CCDC102B: variants seen among roughly 807,000 people sequenced by gnomAD.
CCDC102B encodes the protein coiled-coil domain-containing protein 102B.
A neutral mutation model predicts 57.4 loss-of-function variants in CCDC102B; 75 were observed. The ratio of observed to expected loss-of-function variants is 1.31; its 90% CI spans 1.08 to 1.58. CCDC102B has a LOEUF of 1.58. Among genes scored for constraint, CCDC102B ranks in the 40% most tolerant of loss-of-function variants. CCDC102B has a pLI of 0.00. For synonymous variants in CCDC102B, 206 were observed against 201.9 expected (o/e 1.02, Z -0.17); for missense variants, 636 against 582.6 (o/e 1.09, Z -0.94).
At chr18:68,916,160 T>TAGAC (rs1202895947) in intron 6 of CCDC102B, among the ~76,000 whole-genome samples, 2 of 151,882 alleles carry the variant, frequency 1.3e-5, no homozygotes, top group Non-Finnish European at 1.5e-5. Flanking sequence ...AATAGATAGA[T>TAGAC]AGATAGATAT....
chr18:68,766,144 C>T (rs541727716), intron 2 of CCDC102B, among the ~76,000 whole-genome samples: 3 of 152,212 alleles, frequency 2.0e-5, no homozygotes, highest in Non-Finnish European at 2.9e-5. Flanking sequence ...TATCATAATA[C>T]ATGTATCTAT....
chr18:68,828,322 C>CAAAAAAAAAAAAAAAAAAA (rs58180806), intron 1 of CCDC102B, among the ~76,000 whole-genome samples: 1 of 80,802 alleles, frequency 1.2e-5, no homozygotes, highest in African/African-American at 4.6e-5. Context: ...ACCCTATTTA[C>CAAAAAAAAAAAAAAAAAAA]AAAAAAAAAA....
chr18:68,860,478 A>AAACAGAAC (rs80030644), intron 4 of CCDC102B, among the ~76,000 whole-genome samples: 1 of 97,746 alleles, frequency 1.0e-5, no homozygotes, highest in Non-Finnish European at 2.2e-5. Flanking sequence ...ACAAAAACAA[A>AAACAGAAC]AAAAAAAAAA....
intron 4 of CCDC102B, among the ~76,000 whole-genome samples, chr18:68,857,247 T>G (rs1413407165): frequency 1.2e-5 from 1 of 82,108 alleles, no homozygotes; most frequent in Non-Finnish European, 2.3e-5. Flanking sequence ...TAAATATATA[T>G]TTATTATTTA....
At chr18:68,849,374 T>G (rs181712877) in intron 4 of CCDC102B, among the ~76,000 whole-genome samples, 6 of 152,210 alleles carry the variant, frequency 3.9e-5, no homozygotes, top group Non-Finnish European at 7.4e-5. Context: ...GCTATTCCTG[T>G]GGCTTAAAAA....
At chr18:68,877,003 T>A (rs1015898965) in intron 5 of CCDC102B, among the ~76,000 whole-genome samples, 3 of 152,214 alleles carry the variant, frequency 2.0e-5, no homozygotes, top group African/African-American at 7.2e-5. Context: ...CAGGAAATAT[T>A]AGGTGCCTTG....
intron 2 of CCDC102B, chr18:68,721,569 T>C (rs2032333302): frequency 1.3e-5 from 2 of 152,198 alleles, no homozygotes; most frequent in Admixed American, 1.3e-4. Context: ...CATTTTTTGC[T>C]AAAAATATGA....
At chr18:68,851,858 C>T (rs1454747380) in intron 4 of CCDC102B, among the ~76,000 whole-genome samples, 1 of 152,084 alleles carries the variant, frequency 6.6e-6, no homozygotes. Context: ...ATGTTTTACA[C>T]CGTGGGGAGC....
At chr18:69,053,678 T>A (rs1342745362) in intron 7 of CCDC102B, among the ~76,000 whole-genome samples, 1 of 151,878 alleles carries the variant, frequency 6.6e-6, no homozygotes, top group Non-Finnish European at 1.5e-5. Flanking sequence ...CAACTACTTT[T>A]TTTTTTCATT....
At chr18:69,042,932 G>A (rs2052468054) in intron 7 of CCDC102B, among the ~76,000 whole-genome samples, 1 of 152,084 alleles carries the variant, frequency 6.6e-6, no homozygotes, top group Non-Finnish European at 1.5e-5. Flanking sequence ...AAAAGACACA[G>A]AGACAAAGTA....
At chr18:68,988,013 A>G (rs903908193) in intron 6 of CCDC102B, among the ~76,000 whole-genome samples, 1 of 152,206 alleles carries the variant, frequency 6.6e-6, no homozygotes, top group Non-Finnish European at 1.5e-5. Context: ...TAGAAGCAGA[A>G]CTACCATTCC....
At chr18:68,840,547 C>T (rs960404381) in intron 3 of CCDC102B, among the ~76,000 whole-genome samples, 3 of 152,174 alleles carry the variant, frequency 2.0e-5, no homozygotes, top group East Asian at 3.9e-4. Flanking sequence ...AGGCAACCAA[C>T]ATTAGTAGAA....
chr18:68,716,281 C>T (rs1391598881), intron 1 of CCDC102B, among the ~76,000 whole-genome samples: 1 of 128,560 alleles, frequency 7.8e-6, no homozygotes, highest in African/African-American at 2.8e-5. Flanking sequence ...CTGAATGACC[C>T]ATATTCAATT....
At chr18:68,791,645 AG>A (rs2035464809) in intron 2 of CCDC102B, among the ~76,000 whole-genome samples, 2 of 10,196 alleles carry the variant, frequency 2.0e-4, no homozygotes, top group Admixed American at 3.7e-3. Context: ...TGTGTATGTG[AG>A]AAAGAGAGAT....
At chr18:69,021,531 G>A (rs1001922430) in intron 7 of CCDC102B, among the ~76,000 whole-genome samples, 3 of 152,126 alleles carry the variant, frequency 2.0e-5, no homozygotes, top group African/African-American at 7.2e-5. Context: ...GAATATACAT[G>A]ATTTCTTCCA....
chr18:68,732,573 C>G (rs1364652230), intron 2 of CCDC102B, among the ~76,000 whole-genome samples: 1 of 152,016 alleles, frequency 6.6e-6, no homozygotes, highest in Non-Finnish European at 1.5e-5. Flanking sequence ...TCTTGAACTC[C>G]TGACCTCAGG....
intron 2 of CCDC102B, among the ~76,000 whole-genome samples, chr18:68,785,476 C>T (rs2035170488): frequency 1.3e-5 from 2 of 151,538 alleles, no homozygotes; most frequent in African/African-American, 2.4e-5. Context: ...TCTCCACATC[C>T]TCTCCAGCAC....
chr18:68,880,130 AGCCCT>A (rs1294373434), intron 5 of CCDC102B, among the ~76,000 whole-genome samples: 1 of 152,186 alleles, frequency 6.6e-6, no homozygotes, highest in Non-Finnish European at 1.5e-5. Context: ...GCAGGTCCCG[AGCCCT>A]GCCCCGCCCA....
intron 7 of CCDC102B, among the ~76,000 whole-genome samples, chr18:69,046,064 A>G (rs2145485625): frequency 6.6e-6 from 1 of 152,238 alleles, no homozygotes; most frequent in African/African-American, 2.4e-5. Context: ...GAACATATGC[A>G]TGCTTATGTC....
Sources: gnomAD v4.1 joint callset for allele counts (sites outside exome capture counted in the v4.1 genomes callset) on GRCh38, gnomAD v4.1.1 for gene constraint, MANE v1.5 for transcripts, NCBI Gene and HGNC (gene_info 2026-07-23, HGNC 2026-07-21) for gene names.